Variants in EML4 observed in about 807,000 individuals in gnomAD.
The protein encoded by EML4 is EMAP like 4.
In EML4, 72 loss-of-function variants were observed where a neutral mutation model predicts 129.0. The ratio of observed to expected loss-of-function variants is 0.56; its 90% CI spans 0.46 to 0.68. The LOEUF (loss-of-function observed/expected upper bound fraction) is 0.68, where lower values mean the gene tolerates loss of function less well. Ranked by LOEUF, EML4 falls within the 30% of genes least tolerant of loss-of-function variation. The probability of loss-of-function intolerance (pLI) is 0.00; values close to 1 mark genes in which losing one functional copy is unlikely to be tolerated. For missense variants in EML4, 1,363 were observed against 1,190.6 expected (o/e 1.14, Z -2.13); for synonymous variants, 532 against 405.0 (o/e 1.31, Z -3.77).
chr2:42,294,806 A>T (rs931814207), intron 11 of EML4, among the ~76,000 whole-genome samples: 2 of 152,224 alleles, frequency 1.3e-5, no homozygotes, highest in African/African-American at 4.8e-5. Context: ...TTTAAGAAAG[A>T]ATGTACATTG....
At chr2:42,239,919 GA>G (rs1275846073) in intron 1 of EML4, among the ~76,000 whole-genome samples, 1 of 151,498 alleles carries the variant, frequency 6.6e-6, no homozygotes, top group Non-Finnish European at 1.5e-5. Flanking sequence ...GATTGGGAGG[GA>G]AAAAAAATAA....
At chr2:42,284,769 A>T (rs1432933273) in intron 9 of EML4, 66 bp downstream of exon 9, 6 of 1,145,084 alleles carry the variant, frequency 5.2e-6, no homozygotes, top group Non-Finnish European at 3.7e-6. Context: ...ATCTATTGTA[A>T]TTTTAACCAC....
intron 1 of EML4, among the ~76,000 whole-genome samples, chr2:42,183,582 T>C (rs921148971): frequency 1.3e-5 from 2 of 152,206 alleles, no homozygotes; most frequent in Non-Finnish European, 1.5e-5. Context: ...TTTTGGTATA[T>C]GTATATGTAT....
At chr2:42,312,520 A>G (rs979631398) in intron 17 of EML4, among the ~76,000 whole-genome samples, 1 of 151,844 alleles carries the variant, frequency 6.6e-6, no homozygotes, top group Admixed American at 6.6e-5. Flanking sequence ...AACCCAGACA[A>G]TTCCTTTCTA....
intron 2 of EML4, among the ~76,000 whole-genome samples, chr2:42,246,718 C>T (rs1675424228): frequency 6.6e-6 from 1 of 152,038 alleles, no homozygotes; most frequent in South Asian, 2.1e-4. Flanking sequence ...TAGTTGAAGC[C>T]ATAGAGGATG....
At chr2:42,203,327 G>A (rs187022968) in intron 1 of EML4, among the ~76,000 whole-genome samples, 11 of 152,234 alleles carry the variant, frequency 7.2e-5, no homozygotes, top group African/African-American at 2.6e-4. Flanking sequence ...CTTTCCATCT[G>A]TGGTAGCCCT....
At chr2:42,196,059 G>A (rs540324072) in intron 1 of EML4, among the ~76,000 whole-genome samples, 2 of 152,178 alleles carry the variant, frequency 1.3e-5, no homozygotes, top group African/African-American at 4.8e-5. Flanking sequence ...AATTGAGTAT[G>A]GTCATTAACT....
intron 1 of EML4, among the ~76,000 whole-genome samples, chr2:42,228,900 A>G (rs1558520740): frequency 6.6e-6 from 1 of 152,330 alleles, no homozygotes; most frequent in African/African-American, 2.4e-5. Flanking sequence ...TGATTATCAA[A>G]TAAATAACAT....
intron 1 of EML4, among the ~76,000 whole-genome samples, chr2:42,232,148 G>T (rs12053513): frequency 6.6e-6 from 1 of 151,938 alleles, no homozygotes; most frequent in East Asian, 1.9e-4. Context: ...AGCTGAGACT[G>T]GGTCTCACAA....
intron 10 of EML4, among the ~76,000 whole-genome samples, chr2:42,287,575 A>C (rs1667380403): frequency 6.6e-6 from 1 of 152,210 alleles, no homozygotes; most frequent in Admixed American, 6.5e-5. Context: ...CATATTTCAC[A>C]AATGATACTA....
intron 17 of EML4, among the ~76,000 whole-genome samples, chr2:42,315,610 A>C (rs1407981912): frequency 6.6e-6 from 1 of 152,250 alleles, no homozygotes; most frequent in East Asian, 1.9e-4. Flanking sequence ...ACAGTGGCAC[A>C]TGCCCGTAAT....
At chr2:42,285,627 C>G (rs929669289) in intron 9 of EML4, among the ~76,000 whole-genome samples, 21 of 146,794 alleles carry the variant, frequency 1.4e-4, no homozygotes, top group Non-Finnish European at 7.5e-5. Flanking sequence ...GAGACGGAGT[C>G]TTGCTCTGTC....
intron 1 of EML4, among the ~76,000 whole-genome samples, chr2:42,204,458 A>G (rs1672420126): frequency 6.6e-6 from 1 of 152,186 alleles, no homozygotes; most frequent in Non-Finnish European, 1.5e-5. Context: ...CAGTGGGACT[A>G]TTCCTCTCTG....
chr2:42,211,365 G>A (rs186097384), intron 1 of EML4, among the ~76,000 whole-genome samples: 54 of 152,302 alleles, frequency 3.5e-4, no homozygotes, highest in African/African-American at 8.7e-4. Context: ...TAAACCCATC[G>A]TAGATCCTGA....
At chr2:42,215,058 T>C (rs1377696724) in intron 1 of EML4, among the ~76,000 whole-genome samples, 1 of 152,096 alleles carries the variant, frequency 6.6e-6, no homozygotes, top group Non-Finnish European at 1.5e-5. Flanking sequence ...CTCTGCATGG[T>C]AGATGTAAAA....
At chr2:42,324,092 C>T (rs780316718) in intron 19 of EML4, among the ~76,000 whole-genome samples, 5 of 151,940 alleles carry the variant, frequency 3.3e-5, no homozygotes, top group African/African-American at 9.7e-5. Context: ...GCCAGGAGTT[C>T]GAGACCAGCC....
chr2:42,217,709 G>A (rs1262757410), intron 1 of EML4, among the ~76,000 whole-genome samples: 1 of 152,164 alleles, frequency 6.6e-6, no homozygotes, highest in African/African-American at 2.4e-5. Flanking sequence ...GAGTAGTTAG[G>A]TAATTTGAAC....
chr2:42,308,843 G>T (rs74910980), intron 17 of EML4, among the ~76,000 whole-genome samples: 1 of 152,016 alleles, frequency 6.6e-6, no homozygotes, highest in Non-Finnish European at 1.5e-5. Flanking sequence ...ATCATATAAC[G>T]TGAAGTTTTG....
intron 1 of EML4, among the ~76,000 whole-genome samples, chr2:42,179,233 A>G (rs1471800684): frequency 6.7e-6 from 1 of 149,640 alleles, no homozygotes; most frequent in African/African-American, 2.5e-5. Flanking sequence ...GATGGGGAAC[A>G]TCCTATTTTT....
Sources: allele counts gnomAD v4.1 joint callset (sites outside exome capture counted in the v4.1 genomes callset), GRCh38; gene constraint gnomAD v4.1.1; transcripts MANE v1.5; gene names NCBI Gene and HGNC (gene_info 2026-07-23, HGNC 2026-07-21).